ZFHX3: variants seen among roughly 807,000 people sequenced by gnomAD.
ZFHX3 encodes the protein zinc finger homeobox protein 3.
Under a neutral mutation model 279.1 loss-of-function variants are expected in ZFHX3, and 42 were observed. The ratio of observed to expected loss-of-function variants is 0.15; its 90% CI spans 0.12 to 0.19. The LOEUF is 0.19. Ranked by LOEUF, ZFHX3 falls within the 10% of genes least tolerant of loss-of-function variation. The pLI, the probability that ZFHX3 is intolerant of heterozygous loss-of-function variation, is 1.00. For missense variants in ZFHX3, 4,981 were observed against 4,754.0 expected (o/e 1.05, Z -1.40); for synonymous variants, 2,293 against 1,957.8 (o/e 1.17, Z -4.52).
intron 3 of ZFHX3, among the ~76,000 whole-genome samples, chr16:73,397,888 A>G (rs2017161273): frequency 6.6e-6 from 1 of 152,188 alleles, no homozygotes; most frequent in Non-Finnish European, 1.5e-5. Flanking sequence ...TCTGCCACCC[A>G]GGCTGGAGTG....
chr16:73,407,639 G>T (rs565671740), intron 3 of ZFHX3, among the ~76,000 whole-genome samples: 1 of 152,228 alleles, frequency 6.6e-6, no homozygotes, highest in East Asian at 1.9e-4. Context: ...TTAGAACCAG[G>T]AGATCACACT....
chr16:73,154,883 T>A (rs1693782361), intron 5 of ZFHX3, among the ~76,000 whole-genome samples: 1 of 152,078 alleles, frequency 6.6e-6, no homozygotes, highest in African/African-American at 2.4e-5. Context: ...TAAAGAAAGA[T>A]ATTTTTGGGA....
intron 4 of ZFHX3, among the ~76,000 whole-genome samples, chr16:73,285,525 G>T (rs1458718797): frequency 1.3e-5 from 2 of 152,182 alleles, no homozygotes; most frequent in African/African-American, 4.8e-5. Flanking sequence ...GTCAGGACGG[G>T]GGATCTGACC....
chr16:73,125,865 T>C (rs1966560915), intron 7 of ZFHX3, among the ~76,000 whole-genome samples: 1 of 152,064 alleles, frequency 6.6e-6, no homozygotes, highest in African/African-American at 2.4e-5. Context: ...TCTGTCCCTC[T>C]AGAGAACCCT....
At chr16:73,479,043 C>T (rs185861295) in intron 2 of ZFHX3, among the ~76,000 whole-genome samples, 119 of 152,254 alleles carry the variant, frequency 7.8e-4, no homozygotes, top group Admixed American at 6.6e-3. Context: ...GAGAGCAAGA[C>T]TCCATCTCAA....
chr16:73,501,136 CTATAG>C (rs1398592248), intron 2 of ZFHX3, among the ~76,000 whole-genome samples: 2 of 152,180 alleles, frequency 1.3e-5, no homozygotes, highest in South Asian at 2.1e-4. Context: ...TTATAAATGC[CTATAG>C]TATTCACTAC....
At chr16:73,533,858 C>A (rs551292586) in intron 2 of ZFHX3, among the ~76,000 whole-genome samples, 2 of 152,226 alleles carry the variant, frequency 1.3e-5, no homozygotes, top group Admixed American at 6.5e-5. Flanking sequence ...ACACAGAATC[C>A]AACCCCAACC....
At chr16:73,325,928 A>AAAACAC (rs368062772) in intron 3 of ZFHX3, among the ~76,000 whole-genome samples, 1 of 145,492 alleles carries the variant, frequency 6.9e-6, no homozygotes, top group African/African-American at 2.5e-5. Context: ...CACACACACA[A>AAAACAC]ACACACACAC....
At chr16:73,757,731 C>A (rs1300862086) in intron 1 of ZFHX3, among the ~76,000 whole-genome samples, 3 of 152,056 alleles carry the variant, frequency 2.0e-5, no homozygotes, top group Non-Finnish European at 4.4e-5. Flanking sequence ...TGGAGGGTTC[C>A]CTGCAGGAAG....
intron 1 of ZFHX3, among the ~76,000 whole-genome samples, chr16:73,836,424 G>A (rs998541396): frequency 1.3e-5 from 2 of 152,034 alleles, no homozygotes; most frequent in African/African-American, 2.4e-5. Context: ...TTTTTGTAGT[G>A]GTGGAGGGAA....
intron 2 of ZFHX3, among the ~76,000 whole-genome samples, chr16:73,590,264 A>T (rs572046071): frequency 1.3e-5 from 2 of 152,230 alleles, no homozygotes; most frequent in Non-Finnish European, 2.9e-5. Context: ...CTGGCCTGCT[A>T]CCAATGAGCA....
intron 3 of ZFHX3, among the ~76,000 whole-genome samples, chr16:73,384,173 T>G (rs2016860656): frequency 6.6e-6 from 1 of 152,228 alleles, no homozygotes; most frequent in African/African-American, 2.4e-5. Context: ...GGACCAAATC[T>G]GGCCTGCACC....
chr16:73,782,475 T>C (rs1437924241), intron 1 of ZFHX3, among the ~76,000 whole-genome samples: 1 of 152,182 alleles, frequency 6.6e-6, no homozygotes, highest in Non-Finnish European at 1.5e-5. Context: ...GAGGAGGACT[T>C]GAAGGACGCT....
chr16:73,212,381 C>T (rs1254068548), intron 5 of ZFHX3, among the ~76,000 whole-genome samples: 1 of 152,116 alleles, frequency 6.6e-6, no homozygotes, highest in Admixed American at 6.5e-5. Context: ...AATGAATATA[C>T]CTCGACTTCA....
At chr16:73,040,093 G>T (rs759218590) in intron 1 of ZFHX3, among the ~76,000 whole-genome samples, 2 of 152,114 alleles carry the variant, frequency 1.3e-5, no homozygotes, top group African/African-American at 4.8e-5. Context: ...GCAACATAAG[G>T]CAGGCTCCCC....
intron 5 of ZFHX3, among the ~76,000 whole-genome samples, chr16:73,247,565 T>G (rs1391164770): frequency 6.6e-6 from 1 of 151,082 alleles, no homozygotes; most frequent in Non-Finnish European, 1.5e-5. Flanking sequence ...GTATGCGGAG[T>G]GTATGAGTGT....
At chr16:73,268,436 C>A (rs2014042736) in intron 4 of ZFHX3, among the ~76,000 whole-genome samples, 1 of 152,184 alleles carries the variant, frequency 6.6e-6, no homozygotes, top group South Asian at 2.1e-4. Flanking sequence ...CCAGACCCTA[C>A]CCACAGGAGA....
intron 5 of ZFHX3, among the ~76,000 whole-genome samples, chr16:73,245,938 T>C (rs8057442): frequency 0.18 from 27,521 of 152,068 alleles, 4,059 homozygotes; most frequent in East Asian, 0.46. Flanking sequence ...GCGTGGACCA[T>C]GATAGGCTAT....
At chr16:73,847,321 G>A (rs1567429108) in intron 1 of ZFHX3, among the ~76,000 whole-genome samples, 1 of 152,070 alleles carries the variant, frequency 6.6e-6, no homozygotes, top group Non-Finnish European at 1.5e-5. Context: ...AGCCCTTAAG[G>A]ATGACACTGC....
Sources: allele counts gnomAD v4.1 joint callset (sites outside exome capture counted in the v4.1 genomes callset), GRCh38; gene constraint gnomAD v4.1.1; transcripts MANE v1.5; gene names NCBI Gene and HGNC (gene_info 2026-07-23, HGNC 2026-07-21).